IL1RAPL1: variants seen among roughly 807,000 people sequenced by gnomAD.
IL1RAPL1 encodes the protein interleukin-1 receptor accessory protein-like 1.
A neutral mutation model predicts 48.4 loss-of-function variants in IL1RAPL1; 3 were observed. The observed-to-expected ratio is 0.06, with a 90% CI of 0.03 to 0.16. IL1RAPL1 has a LOEUF of 0.16. IL1RAPL1 is among the 10% of genes least tolerant of loss of function. The probability of loss-of-function intolerance (pLI) is 1.00; values close to 1 mark genes in which losing one functional copy is unlikely to be tolerated. For missense variants in IL1RAPL1, 349 were observed against 530.6 expected (o/e 0.66, Z 3.36); for synonymous variants, 185 against 187.7 (o/e 0.99, Z 0.12).
At chrX:29,456,788 TA>T (rs1174178369) in intron 5 of IL1RAPL1, among the ~76,000 whole-genome samples, 2 of 111,570 alleles carry the variant, frequency 1.8e-5, no homozygotes, top group African/African-American at 6.5e-5. Context: ...TTACATAAGA[TA>T]TTTTTTCTAA....
At chrX:29,054,810 T>A (rs1319362947) in intron 2 of IL1RAPL1, among the ~76,000 whole-genome samples, 1 of 112,167 alleles carries the variant, frequency 8.9e-6, no homozygotes, top group Non-Finnish European at 1.9e-5. Context: ...TCTGTCTTTA[T>A]CCATTACAAC....
chrX:28,906,989 T>C lies in IL1RAPL1; in HGVS notation c.82+117564T>C, dbSNP rs746573871. ...ATGTGGGAAACATGAATCTTAGTTG[T>C]GAAAAATAGCCTTGATGATACTCTG... is the stretch of plus-strand genomic sequence containing the variant. On this transcript the variant is annotated intron_variant, in intron 2 of 10. Transcript: ENST00000378993. Among the ~76,000 whole-genome samples, 31 of 112,021 alleles carry C rather than the reference T, an allele frequency of 2.8e-4. No individual in the cohort carries two copies. The South Asian group carries it at 0.011, about 40-fold the overall frequency.
chrX:28,697,269 T>A (rs1171352219), intron 1 of IL1RAPL1, among the ~76,000 whole-genome samples: 1 of 110,984 alleles, frequency 9.0e-6, no homozygotes, highest in East Asian at 2.8e-4. Flanking sequence ...ATTGTGGATA[T>A]TAACCCTATG....
At chrX:29,447,658 C>T (rs1183410539) in intron 5 of IL1RAPL1, among the ~76,000 whole-genome samples, 1 of 111,923 alleles carries the variant, frequency 8.9e-6, no homozygotes, top group Non-Finnish European at 1.9e-5. Flanking sequence ...AGTCCTTATA[C>T]CATATTTTCA....
At position 29,083,567 on chromosome X, in the gene IL1RAPL1, G is replaced by A. The variant is rs191777868; in HGVS notation, c.83-199371G>A. ...AGCACTCCATGATTATGCAGTAGTGGCCAGTGTGGTGTGGACTTTGAGGAC... is the reference window on the plus strand; with the variant it reads ...AGCACTCCATGATTATGCAGTAGTGACCAGTGTGGTGTGGACTTTGAGGAC... On this transcript the variant is annotated intron_variant, in intron 2 of 10. Transcript: ENST00000378993. 9.5e-3 allele frequency among the ~76,000 whole-genome samples: 1,058 copies of A among 111,522 alleles called. 8 individuals carry two copies. The highest frequency in any genetic ancestry group is 0.015 in the Non-Finnish European group (809 of 53,089).
intron 2 of IL1RAPL1, among the ~76,000 whole-genome samples, chrX:29,045,643 A>AT (rs1226617122): frequency 9.0e-6 from 1 of 110,967 alleles, no homozygotes; most frequent in Non-Finnish European, 1.9e-5. Context: ...TTTTAAAATT[A>AT]TTTTTTGTAA....
intron 2 of IL1RAPL1, among the ~76,000 whole-genome samples, chrX:28,889,511 G>A (rs1370388163): frequency 9.0e-6 from 1 of 111,606 alleles, no homozygotes; most frequent in Non-Finnish European, 1.9e-5. Context: ...AATTCGAATG[G>A]CTGGGCTAGA....
At chrX:28,867,029 G>A (rs1184083522) in intron 2 of IL1RAPL1, among the ~76,000 whole-genome samples, 3 of 111,973 alleles carry the variant, frequency 2.7e-5, no homozygotes, top group Admixed American at 9.5e-5. Flanking sequence ...AGTTGAAGAA[G>A]GGATGGGCAA....
At chrX:29,357,884 G>A (rs763297664) in intron 3 of IL1RAPL1, among the ~76,000 whole-genome samples, 2 of 112,170 alleles carry the variant, frequency 1.8e-5, no homozygotes, top group Non-Finnish European at 3.8e-5. Context: ...GGTTGTTGAA[G>A]AGTGAATAGC....
chrX:28,997,287 G>T (rs915130202), intron 2 of IL1RAPL1, among the ~76,000 whole-genome samples: 17 of 111,873 alleles, frequency 1.5e-4, no homozygotes, highest in Admixed American at 1.4e-3. Flanking sequence ...GTGCTTTGAA[G>T]AGGAATTTTA....
intron 6 of IL1RAPL1, among the ~76,000 whole-genome samples, chrX:29,676,671 A>G (rs183606676): frequency 1.8e-5 from 2 of 111,854 alleles, no homozygotes; most frequent in African/African-American, 3.2e-5. Flanking sequence ...ATAAATGACC[A>G]TCAAGACAAA....
intron 3 of IL1RAPL1, among the ~76,000 whole-genome samples, chrX:29,295,005 A>T (rs1418845159): frequency 8.9e-6 from 1 of 111,735 alleles, no homozygotes; most frequent in Non-Finnish European, 1.9e-5. Context: ...CAGAGAAATT[A>T]GAAAATGGAA....
intron 2 of IL1RAPL1, among the ~76,000 whole-genome samples, chrX:28,934,597 C>T (rs1923969089): frequency 9.0e-6 from 1 of 111,405 alleles, no homozygotes; most frequent in Admixed American, 9.6e-5. Flanking sequence ...TCTGTATGAG[C>T]TTGCCTATTC....
intron 2 of IL1RAPL1, among the ~76,000 whole-genome samples, chrX:29,127,957 C>T (rs1273621683): frequency 1.2e-5 from 1 of 85,379 alleles, no homozygotes; most frequent in African/African-American, 3.8e-5. Context: ...GAGTGAGACT[C>T]GATCTAAAAA....
chrX:29,758,695 C>CAA (rs1164955874), intron 6 of IL1RAPL1, among the ~76,000 whole-genome samples: 4 of 95,118 alleles, frequency 4.2e-5, no homozygotes, highest in African/African-American at 1.6e-4. Context: ...AAACTCTTCT[C>CAA]AAAAAAAAAA....
At chrX:29,837,272 A>AATATATAT (rs1229668903) in intron 6 of IL1RAPL1, among the ~76,000 whole-genome samples, 16 of 72,113 alleles carry the variant, frequency 2.2e-4, no homozygotes, top group Admixed American at 6.9e-4. Flanking sequence ...AAAAAAAAAA[A>AATATATAT]ATATATATAT....
intron 1 of IL1RAPL1, among the ~76,000 whole-genome samples, chrX:28,619,894 C>T (rs1256381252): frequency 1.8e-5 from 2 of 110,923 alleles, no homozygotes; most frequent in Non-Finnish European, 3.8e-5. Context: ...TAGATGATAC[C>T]ATGTAGTTTT....
At chrX:28,789,241 CAA>C in intron 1 of IL1RAPL1, 77 bp from the exon 2 acceptor site, 2 of 555,702 alleles carry the variant, frequency 3.6e-6, no homozygotes, top group East Asian at 3.6e-5. Context: ...CATGTTTGAT[CAA>C]AGTTATGAAA....
chrX:29,121,898 C>T (rs1264082963), intron 2 of IL1RAPL1, among the ~76,000 whole-genome samples: 1 of 111,879 alleles, frequency 8.9e-6, no homozygotes, highest in Non-Finnish European at 1.9e-5. Context: ...TGTTATATAA[C>T]ACTTGATATT....
Sources: gnomAD v4.1 joint callset for allele counts (sites outside exome capture counted in the v4.1 genomes callset) on GRCh38, gnomAD v4.1.1 for gene constraint, MANE v1.5 for transcripts, NCBI Gene and HGNC (gene_info 2026-07-23, HGNC 2026-07-21) for gene names.